CILK1: variants seen among roughly 807,000 people sequenced by gnomAD.
CILK1 encodes serine/threonine-protein kinase ICK.
A neutral mutation model predicts 79.2 loss-of-function variants in CILK1; 47 were observed. The ratio of observed to expected loss-of-function variants is 0.59; its 90% CI spans 0.47 to 0.76. CILK1 has a LOEUF of 0.76. CILK1 is among the 30% of genes least tolerant of loss of function. The pLI, the probability that CILK1 is intolerant of heterozygous loss-of-function variation, is 0.00. For missense variants in CILK1, 660 were observed against 769.5 expected (o/e 0.86, Z 1.68); for synonymous variants, 266 against 275.9 (o/e 0.96, Z 0.36).
At chr6:53,055,085 G>C (rs1211197289) in intron 1 of CILK1, among the ~76,000 whole-genome samples, 1 of 152,202 alleles carries the variant, frequency 6.6e-6, no homozygotes, top group Non-Finnish European at 1.5e-5. Context: ...ACACCATTCA[G>C]TTCCTTAGAA....
chr6:53,024,155 C>T (rs1765422722), intron 5 of CILK1, among the ~76,000 whole-genome samples: 2 of 152,228 alleles, frequency 1.3e-5, no homozygotes, highest in South Asian at 4.1e-4. Context: ...ATATATTCCA[C>T]TGCTCATTCT....
At chr6:53,052,564 C>G (rs1443140323) in intron 1 of CILK1, among the ~76,000 whole-genome samples, 2 of 152,006 alleles carry the variant, frequency 1.3e-5, no homozygotes, top group Non-Finnish European at 2.9e-5. Context: ...AACCCTGTCT[C>G]TACTAAAAAT....
chr6:53,056,862 G>A (rs1036786576), intron 1 of CILK1, among the ~76,000 whole-genome samples: 15 of 152,222 alleles, frequency 9.9e-5, no homozygotes, highest in African/African-American at 3.4e-4. Context: ...ATCCCGTCAC[G>A]CCCCACTTCT....
chr6:53,012,125 C>T lies in CILK1; in HGVS notation c.1255G>A (p.Ala419Thr), dbSNP rs998118331. ...SRSTKDSDDW[A>T]DLDDLDFSPS... ...CTGAAATCCAAGTCATCCAAGTCAG[C>T]CCAATCATCTGAATCCTTTGTTGAC... Residue 419 changes from alanine (A) to threonine (T), a missense_variant, in exon 10 of 14, where the codon GCT becomes ACT. Coordinates refer to ENST00000676107, the MANE Select transcript of CILK1 (RefSeq NM_014920.5). The T allele has an allele frequency of 6.2e-7, 1 of 1,614,190 alleles. No homozygotes were observed. The highest frequency in any genetic ancestry group is 8.5e-7 in the Non-Finnish European group (1 of 1,180,028).
At chr6:53,046,684 C>T (rs1349476447) in intron 1 of CILK1, among the ~76,000 whole-genome samples, 1 of 152,174 alleles carries the variant, frequency 6.6e-6, no homozygotes, top group Non-Finnish European at 1.5e-5. Flanking sequence ...ATTGATGGCA[C>T]ATGGTATAAT....
chr6:53,008,271 A>G (rs911451591), intron 12 of CILK1, among the ~76,000 whole-genome samples: 21 of 152,002 alleles, frequency 1.4e-4, no homozygotes, highest in African/African-American at 5.1e-4. Context: ...ATCCAAGATT[A>G]TCTTCACATA....
intron 11 of CILK1, among the ~76,000 whole-genome samples, chr6:53,010,504 C>T (rs543592245): frequency 7.9e-5 from 12 of 152,350 alleles, no homozygotes; most frequent in South Asian, 4.1e-4. Flanking sequence ...TCTCATCGCT[C>T]ATGAAGCAAA....
intron 1 of CILK1, among the ~76,000 whole-genome samples, chr6:53,041,850 A>T (rs1231748273): frequency 6.6e-6 from 1 of 151,964 alleles, no homozygotes; most frequent in East Asian, 1.9e-4. Flanking sequence ...AGCTGCTGGG[A>T]TAGGCTCTGA....
chr6:53,054,981 A>T (rs1212909344), intron 1 of CILK1, among the ~76,000 whole-genome samples: 2 of 152,212 alleles, frequency 1.3e-5, no homozygotes. Flanking sequence ...TAATCAATGA[A>T]TTAATGCCAT....
chr6:53,011,212 C>T (rs1480486058), intron 11 of CILK1, among the ~76,000 whole-genome samples: 1 of 152,074 alleles, frequency 6.6e-6, no homozygotes, highest in South Asian at 2.1e-4. Context: ...TCAGACATGC[C>T]GCCCAGCTTT....
chr6:53,055,181 T>C (rs1332356615), intron 1 of CILK1, among the ~76,000 whole-genome samples: 1 of 152,250 alleles, frequency 6.6e-6, no homozygotes, highest in Admixed American at 6.5e-5. Context: ...GTGGATTATA[T>C]GCAAAATCAT....
chr6:53,031,914 A>G (rs528490428), intron 4 of CILK1, among the ~76,000 whole-genome samples: 327 of 152,016 alleles, frequency 2.2e-3, no homozygotes, highest in Non-Finnish European at 3.6e-3. Context: ...GCTCACCCCA[A>G]CCTCTGCCTC....
intron 2 of CILK1, among the ~76,000 whole-genome samples, chr6:53,039,918 G>A (rs752204525): frequency 1.4e-4 from 22 of 152,242 alleles, no homozygotes; most frequent in South Asian, 1.0e-3. Context: ...TAAATATTAC[G>A]TAAAATTGAC....
intron 1 of CILK1, among the ~76,000 whole-genome samples, chr6:53,051,348 G>T (rs967504719): frequency 6.6e-6 from 1 of 152,168 alleles, no homozygotes. Context: ...CAAAGTTGGT[G>T]GCTGAAAATA....
chr6:53,041,269 C>A lies in CILK1; in HGVS notation c.-33G>T. On this transcript the variant is annotated 5_prime_UTR_variant, in exon 2 of 14. Transcript: ENST00000676107. ...CTGCTCAGGCCGGACACTCATCTCA[C>A]GGCCGAAGTGGTTCAGTTCTGCAGT... The A allele has an allele frequency of 6.6e-7, 1 of 1,517,402 alleles. No homozygotes were observed. Among genetic ancestry groups the A allele is most frequent in the Non-Finnish European group, 9.1e-7 (1 of 1,094,674 alleles). The allele number at this position is 1,517,402 out of a possible 1,614,324, so 94.0% of individuals were successfully genotyped here.
chr6:53,020,211 T>C (rs1562014538), intron 5 of CILK1, among the ~76,000 whole-genome samples: 1 of 152,204 alleles, frequency 6.6e-6, no homozygotes, highest in African/African-American at 2.4e-5. Flanking sequence ...GTCTCAGCTA[T>C]AGCAGAGCTC....
intron 1 of CILK1, among the ~76,000 whole-genome samples, chr6:53,042,872 G>A (rs1206893021): frequency 1.3e-5 from 2 of 152,192 alleles, no homozygotes; most frequent in African/African-American, 4.8e-5. Flanking sequence ...GTTGTTAGTA[G>A]TATTGTGCCA....
chr6:53,059,336 C>T lies in CILK1; in HGVS notation c.-173+2260G>A, dbSNP rs371162036. 6.6e-5 allele frequency among the ~76,000 whole-genome samples: 10 copies of T among 152,306 alleles called. No individual in the cohort carries two copies. The East Asian group carries it at 1.5e-3, about 24-fold the overall frequency. The stretch of plus-strand genomic sequence containing the variant: ...CCCTTGCCCCAATTCTGCTGTACTT[C>T]AAAGCCCACAATACCACATTACCAT... On this transcript the variant is annotated intron_variant, in intron 1 of 13. Transcript: ENST00000676107.
chr6:53,025,471 C>T lies in CILK1; in HGVS notation c.358+5594G>A, dbSNP rs181985522. Among the ~76,000 whole-genome samples the T allele has an allele frequency of 1.5e-3, 229 of 152,296 alleles. 1 individual carries two copies. Among genetic ancestry groups the T allele is most frequent in the Non-Finnish European group, 1.7e-3 (118 of 68,034 alleles). On this transcript the variant is annotated intron_variant, in intron 5 of 13. Coordinates refer to ENST00000676107, the MANE Select transcript of CILK1 (RefSeq NM_014920.5). ...ATGCTCCTGTAAACACTGGCCACTC[C>T]TCCCATCAGCCAAGCTTTATCCTCT...
Sources: gnomAD v4.1 joint callset for allele counts (sites outside exome capture counted in the v4.1 genomes callset) on GRCh38, gnomAD v4.1.1 for gene constraint, MANE v1.5 for transcripts, NCBI Gene and HGNC (gene_info 2026-07-23, HGNC 2026-07-21) for gene names.